CTNNA3: variants seen among roughly 807,000 people sequenced by gnomAD.
CTNNA3 encodes the protein catenin alpha-3.
CTNNA3 carries 76 observed loss-of-function variants against 95.7 expected under a neutral mutation model. That is an observed-to-expected ratio of 0.79 (90% CI 0.66 to 0.96). The LOEUF is 0.96. Ranked by LOEUF, CTNNA3 falls within the 40% of genes least tolerant of loss-of-function variation. The pLI is 0.00. For synonymous variants in CTNNA3, 431 were observed against 374.4 expected, an observed-to-expected ratio of 1.15 and a Z score of -1.74; for missense variants, 1,191 against 1,089.8, an observed-to-expected ratio of 1.09 and a Z score of -1.31.
rs536620061 is a variant in CTNNA3, at chr10:66,407,986, A to C, written c.1532-28634T>G. On this transcript the variant is annotated intron_variant, in intron 11 of 17. Coordinates refer to ENST00000433211, the MANE Select transcript of CTNNA3 (RefSeq NM_013266.4). ...ATGCAGAGTTTGTTCTACAACCCCA[A>C]CGGATATCAAAATCCACAGATGCTG... is the stretch of plus-strand genomic sequence containing the variant. Among the ~76,000 whole-genome samples the C allele has an allele frequency of 4.6e-5, 7 of 152,326 alleles. No homozygotes were observed. In the South Asian group the frequency reaches 1.4e-3, roughly 32 times the overall value.
chr10:67,651,553 C>T (rs923657763), intron 1 of CTNNA3, among the ~76,000 whole-genome samples: 2 of 152,162 alleles, frequency 1.3e-5, no homozygotes, highest in African/African-American at 4.8e-5. Flanking sequence ...GACATAAAAC[C>T]TAATTTTGAT....
upstream of CTNNA3, among the ~76,000 whole-genome samples, chr10:67,699,533 A>T (rs1035982251): frequency 6.6e-6 from 1 of 152,202 alleles, no homozygotes; most frequent in Non-Finnish European, 1.5e-5. Flanking sequence ...ATGGCTCAAA[A>T]TGAAAGACAA....
At chr10:66,488,629 T>C (rs190899754) in intron 11 of CTNNA3, among the ~76,000 whole-genome samples, 23 of 152,324 alleles carry the variant, frequency 1.5e-4, no homozygotes, top group Admixed American at 1.1e-3. Flanking sequence ...AAACCATTTA[T>C]ACTTAAATAT....
intron 13 of CTNNA3, among the ~76,000 whole-genome samples, chr10:66,139,945 T>A (rs2083531476): frequency 6.6e-6 from 1 of 152,210 alleles, no homozygotes; most frequent in African/African-American, 2.4e-5. Flanking sequence ...CAACTGGGTA[T>A]GTGGCAATGG....
chr10:67,536,816 C>T (rs1170882886), intron 4 of CTNNA3, among the ~76,000 whole-genome samples: 1 of 152,010 alleles, frequency 6.6e-6, no homozygotes, highest in Non-Finnish European at 1.5e-5. Context: ...AACTTTTTTC[C>T]TCTTCCATAT....
intron 5 of CTNNA3, among the ~76,000 whole-genome samples, chr10:67,341,896 G>A (rs1178071552): frequency 2.6e-5 from 4 of 151,460 alleles, no homozygotes; most frequent in African/African-American, 7.3e-5. Flanking sequence ...TTTTAACTAC[G>A]GTGAGATGAT....
At chr10:66,804,991 TC>T (rs1841584304) in intron 7 of CTNNA3, among the ~76,000 whole-genome samples, 1 of 152,136 alleles carries the variant, frequency 6.6e-6, no homozygotes, top group Non-Finnish European at 1.5e-5. Context: ...ATACCTATTT[TC>T]CTACCTGACT....
chr10:66,720,285 C>T (rs868846476), intron 9 of CTNNA3, among the ~76,000 whole-genome samples: 1 of 148,934 alleles, frequency 6.7e-6, no homozygotes, highest in Non-Finnish European at 1.5e-5. Context: ...GCCTTCCTCC[C>T]TTCCTCCTGC....
intron 12 of CTNNA3, among the ~76,000 whole-genome samples, chr10:66,355,559 T>C (rs1390752833): frequency 1.3e-5 from 2 of 152,064 alleles, no homozygotes; most frequent in African/African-American, 2.4e-5. Context: ...ATTTTTGCTA[T>C]GGAATAGGAA....
At chr10:67,742,972 C>T (rs1249476138) in intron 1 of CTNNA3, among the ~76,000 whole-genome samples, 4 of 151,098 alleles carry the variant, frequency 2.6e-5, no homozygotes, top group South Asian at 4.2e-4. Flanking sequence ...AATCTCTGAA[C>T]AGACCAATAA....
chr10:66,835,851 G>T (rs961969073), intron 7 of CTNNA3, among the ~76,000 whole-genome samples: 1 of 152,098 alleles, frequency 6.6e-6, no homozygotes, highest in Admixed American at 6.6e-5. Flanking sequence ...TGTTAAAGGG[G>T]AATCCTGAGA....
chr10:66,800,020 TC>T (rs1264315134), intron 7 of CTNNA3, among the ~76,000 whole-genome samples: 108 of 151,402 alleles, frequency 7.1e-4, no homozygotes, highest in Non-Finnish European at 2.5e-4. Flanking sequence ...AGATAAAAGT[TC>T]AGAGAATTAG....
chr10:66,266,732 G>C (rs973457659), intron 13 of CTNNA3, among the ~76,000 whole-genome samples: 7 of 151,868 alleles, frequency 4.6e-5, no homozygotes, highest in Middle Eastern at 3.2e-3. Flanking sequence ...CATATGCTTG[G>C]CTTCAGCTCA....
intron 7 of CTNNA3, among the ~76,000 whole-genome samples, chr10:66,866,741 G>A (rs1269529299): frequency 6.6e-6 from 1 of 152,032 alleles, no homozygotes; most frequent in Non-Finnish European, 1.5e-5. Context: ...TTCATTTATA[G>A]CAAAATTATC....
chr10:66,004,385 C>T (rs2078836950), intron 15 of CTNNA3, among the ~76,000 whole-genome samples: 1 of 152,050 alleles, frequency 6.6e-6, no homozygotes, highest in Non-Finnish European at 1.5e-5. Flanking sequence ...GTATCTTTTT[C>T]TTTTCCTTTT....
chr10:66,115,579 TGATAGATAGATAGAGATAG>T (rs2082305505), intron 13 of CTNNA3, among the ~76,000 whole-genome samples: 15 of 125,834 alleles, frequency 1.2e-4, no homozygotes, highest in African/African-American at 3.7e-4. Flanking sequence ...GACAGATAGA[TGATAGATAGATAGAGATAG>T]AGATAGAGAT....
intron 1 of CTNNA3, among the ~76,000 whole-genome samples, chr10:67,726,886 G>T (rs1378730298): frequency 2.8e-5 from 3 of 109,022 alleles, no homozygotes; most frequent in South Asian, 2.7e-4. Flanking sequence ...TATATATAAT[G>T]ATACATCATA....
At chr10:67,447,060 G>A (rs150250339) in intron 5 of CTNNA3, among the ~76,000 whole-genome samples, 305 of 152,280 alleles carry the variant, frequency 2.0e-3, no homozygotes, top group African/African-American at 5.1e-3. Context: ...AGCTGAGACC[G>A]CGCCACTGCA....
intron 5 of CTNNA3, among the ~76,000 whole-genome samples, chr10:67,397,268 G>A (rs1844738695): frequency 6.6e-6 from 1 of 152,178 alleles, no homozygotes; most frequent in African/African-American, 2.4e-5. Context: ...GAGATTTGTT[G>A]AACAGCTTTG....
Sources: gnomAD v4.1 joint callset for allele counts (sites outside exome capture counted in the v4.1 genomes callset) on GRCh38, gnomAD v4.1.1 for gene constraint, MANE v1.5 for transcripts, NCBI Gene and HGNC (gene_info 2026-07-23, HGNC 2026-07-21) for gene names.